The following KCNH7 variants were observed in gnomAD, a reference collection of about 807,000 sequenced individuals.
KCNH7 encodes the protein voltage-gated inwardly rectifying potassium channel KCNH7.
KCNH7 carries 49 observed loss-of-function variants against 120.8 expected under a neutral mutation model. That is an observed-to-expected ratio of 0.41 (90% CI 0.32 to 0.51). The LOEUF (loss-of-function observed/expected upper bound fraction) is 0.51, where lower values mean the gene tolerates loss of function less well. Ranked by LOEUF, KCNH7 falls within the 20% of genes least tolerant of loss-of-function variation. The probability of loss-of-function intolerance (pLI) is 0.38; values close to 1 mark genes in which losing one functional copy is unlikely to be tolerated. For missense variants in KCNH7, 1,097 were observed against 1,446.6 expected (o/e 0.76, Z 3.92); for synonymous variants, 547 against 516.1 (o/e 1.06, Z -0.81).
At chr2:162,643,484 A>G (rs1016775509) in intron 2 of KCNH7, among the ~76,000 whole-genome samples, 9 of 152,174 alleles carry the variant, frequency 5.9e-5, no homozygotes, top group African/African-American at 1.9e-4. Flanking sequence ...TACATTATGG[A>G]AAAAGTAAAG....
Position 162,757,115 on chromosome 2 carries a change from C to A in KCNH7, c.307+79422G>T, listed in dbSNP as rs531346948. On this transcript the variant is annotated intron_variant, in intron 2 of 15. Transcript: ENST00000332142. ...TTTTCTATGTTTAATTTTAGTTGTG[C>A]ATTTTTCATTTTTAGATTATTATTT... 2.0e-5 allele frequency among the ~76,000 whole-genome samples: 3 copies of A among 152,156 alleles called. No individual in the cohort carries two copies. The East Asian group carries it at 5.8e-4, about 29-fold the overall frequency.
intron 2 of KCNH7, among the ~76,000 whole-genome samples, chr2:162,577,459 A>G (rs1693726503): frequency 6.6e-6 from 1 of 151,886 alleles, no homozygotes; most frequent in African/African-American, 2.4e-5. Flanking sequence ...CTATTGAGGA[A>G]CCCAGAGAGA....
intron 2 of KCNH7, among the ~76,000 whole-genome samples, chr2:162,773,947 C>G (rs1683150199): frequency 6.6e-6 from 1 of 152,132 alleles, no homozygotes; most frequent in Admixed American, 6.5e-5. Flanking sequence ...ATTTTCAACA[C>G]TCATACTTAG....
chr2:162,833,114 G>A (rs1386011368), intron 2 of KCNH7, among the ~76,000 whole-genome samples: 1 of 152,014 alleles, frequency 6.6e-6, no homozygotes, highest in African/African-American at 2.4e-5. Context: ...TATTTTTCCT[G>A]GAGAAATTTA....
intron 13 of KCNH7, 108 bp from the exon 14 acceptor site, chr2:162,380,129 A>G: frequency 7.5e-7 from 1 of 1,331,520 alleles, no homozygotes; most frequent in East Asian, 2.4e-5. Flanking sequence ...ATAACCTGAG[A>G]GACAGAGAAC....
At chr2:162,633,745 G>T (rs76405782) in intron 2 of KCNH7, among the ~76,000 whole-genome samples, 2 of 151,552 alleles carry the variant, frequency 1.3e-5, no homozygotes, top group East Asian at 3.9e-4. Flanking sequence ...GTCTATTCTC[G>T]TACCTACATT....
intron 2 of KCNH7, among the ~76,000 whole-genome samples, chr2:162,601,333 C>T (rs1694544049): frequency 1.4e-5 from 2 of 144,366 alleles, no homozygotes; most frequent in Middle Eastern, 4.0e-3. Context: ...AATTCATTTG[C>T]CAATAATCAT....
At chr2:162,807,256 CA>C (rs745345993) in intron 2 of KCNH7, among the ~76,000 whole-genome samples, 193 of 15,618 alleles carry the variant, frequency 0.012, 1 homozygote, top group South Asian at 0.023. Context: ...ACTAAAAATA[CA>C]AAAAAAAAAA....
chr2:162,759,894 T>C (rs1688910942), intron 2 of KCNH7, among the ~76,000 whole-genome samples: 1 of 152,092 alleles, frequency 6.6e-6, no homozygotes, highest in Admixed American at 6.6e-5. Context: ...TCACAAAAAT[T>C]GCCAAAAATT....
intron 2 of KCNH7, among the ~76,000 whole-genome samples, chr2:162,635,928 C>T (rs1683940975): frequency 6.6e-6 from 1 of 152,002 alleles, no homozygotes; most frequent in African/African-American, 2.4e-5. Context: ...AATATGCCTC[C>T]TTAGTGGGCT....
At chr2:162,619,560 T>G (rs1683271897) in intron 2 of KCNH7, among the ~76,000 whole-genome samples, 1 of 151,936 alleles carries the variant, frequency 6.6e-6, no homozygotes, top group African/African-American at 2.4e-5. Context: ...TAGTAATGAT[T>G]TCCTCTGTGA....
At chr2:162,788,624 A>G (rs963387067) in intron 2 of KCNH7, among the ~76,000 whole-genome samples, 7 of 152,100 alleles carry the variant, frequency 4.6e-5, no homozygotes, top group African/African-American at 1.7e-4. Flanking sequence ...CTGCAGGGCT[A>G]TGGGAGACCA....
At chr2:162,808,717 T>C (rs1475550490) in intron 2 of KCNH7, among the ~76,000 whole-genome samples, 2 of 151,678 alleles carry the variant, frequency 1.3e-5, no homozygotes, top group Non-Finnish European at 2.9e-5. Context: ...ATGCAACCTG[T>C]GTGTGCATAT....
intron 2 of KCNH7, among the ~76,000 whole-genome samples, chr2:162,724,671 C>CAA (rs71009368): frequency 4.8e-5 from 6 of 123,926 alleles, no homozygotes; most frequent in East Asian, 2.6e-4. Context: ...GACTCCGTCT[C>CAA]AAAAAAAAAA....
At chr2:162,646,151 G>A (rs537849247) in intron 2 of KCNH7, among the ~76,000 whole-genome samples, 9 of 152,250 alleles carry the variant, frequency 5.9e-5, no homozygotes, top group South Asian at 2.1e-4. Context: ...TCCAATAAGC[G>A]ATTTATATTT....
intron 2 of KCNH7, among the ~76,000 whole-genome samples, chr2:162,631,446 G>A (rs1178388545): frequency 6.6e-6 from 1 of 151,990 alleles, no homozygotes; most frequent in Non-Finnish European, 1.5e-5. Context: ...TATCTGAACT[G>A]TTTCTTATCA....
At chr2:162,429,408 TCACACATTTACCACTTCTAG>T (rs1687991374) in intron 8 of KCNH7, among the ~76,000 whole-genome samples, 1 of 122,046 alleles carries the variant, frequency 8.2e-6, no homozygotes, top group African/African-American at 2.8e-5. Flanking sequence ...TTTTTTTTAC[TCACACATTTACCACTTCTAG>T]TTTTTCGTTC....
In KCNH7 at chr2:162,811,491, C is replaced by T. The variant is rs1684731869; in HGVS notation, c.307+25046G>A. On this transcript the variant is annotated intron_variant, in intron 2 of 15. Coordinates refer to ENST00000332142, the MANE Select transcript of KCNH7 (RefSeq NM_033272.4). Reference sequence around the variant, plus strand: ...AAGTTTTAGGGTCCCTATTTTACAACTGAGGATTTTACCCAACATCACATG... The same window carrying T: ...AAGTTTTAGGGTCCCTATTTTACAATTGAGGATTTTACCCAACATCACATG... Among the ~76,000 whole-genome samples, 2 of 152,156 alleles carry T rather than the reference C, an allele frequency of 1.3e-5. 1 individual carries two copies. Among genetic ancestry groups the T allele is most frequent in the Middle Eastern group, 6.8e-3 (2 of 294 alleles).
At chr2:162,637,398 G>C (rs1392936729) in intron 2 of KCNH7, among the ~76,000 whole-genome samples, 1 of 151,952 alleles carries the variant, frequency 6.6e-6, no homozygotes, top group Non-Finnish European at 1.5e-5. Context: ...AGTTCCAAGT[G>C]GCCAAACATC....
Sources: allele counts gnomAD v4.1 joint callset (sites outside exome capture counted in the v4.1 genomes callset), GRCh38; gene constraint gnomAD v4.1.1; transcripts MANE v1.5; gene names NCBI Gene and HGNC (gene_info 2026-07-23, HGNC 2026-07-21).